Variants in GALNT13 observed in about 807,000 individuals in gnomAD.
GALNT13 encodes UDP-GalNAc:polypeptide N-acetylgalactosaminyltransferase 13.
GALNT13 carries 28 observed loss-of-function variants against 64.2 expected under a neutral mutation model. That is an observed-to-expected ratio of 0.44 (90% CI 0.32 to 0.60). The LOEUF (loss-of-function observed/expected upper bound fraction) is 0.60, where lower values mean the gene tolerates loss of function less well. GALNT13 is among the 20% of genes least tolerant of loss of function. GALNT13 has a pLI of 0.05. For missense variants in GALNT13, 577 were observed against 669.8 expected, an observed-to-expected ratio of 0.86 and a Z score of 1.53; for synonymous variants, 214 against 224.6, an observed-to-expected ratio of 0.95 and a Z score of 0.42.
At chr2:153,083,714 A>C in the GALNT13 span, among the ~76,000 whole-genome samples, 1 of 152,068 alleles carries the variant, frequency 6.6e-6, no homozygotes, top group Admixed American at 6.5e-5. Flanking sequence ...GATTATTTCT[A>C]TTGCTGTGCA....
intron 3 of GALNT13, among the ~76,000 whole-genome samples, chr2:154,104,163 C>T (rs571030793): frequency 2.0e-5 from 3 of 150,710 alleles, no homozygotes; most frequent in South Asian, 2.1e-4. Context: ...GAGACACTGT[C>T]CTTTATCTTC....
chr2:153,912,459 ATT>A (rs1689016616), intron 2 of GALNT13, among the ~76,000 whole-genome samples: 1 of 152,148 alleles, frequency 6.6e-6, no homozygotes, highest in Non-Finnish European at 1.5e-5. Flanking sequence ...TAGGGTGGTC[ATT>A]TGGAGAAAAG....
chr2:153,963,618 T>C (rs1431381916), intron 3 of GALNT13, among the ~76,000 whole-genome samples: 2 of 152,126 alleles, frequency 1.3e-5, no homozygotes, highest in Admixed American at 6.5e-5. Flanking sequence ...GCCATTTTAC[T>C]GAGTTAATTG....
At chr2:153,136,547 C>A in the GALNT13 span, among the ~76,000 whole-genome samples, 309 of 151,934 alleles carry the variant, frequency 2.0e-3, 2 homozygotes, top group African/African-American at 6.8e-3. Flanking sequence ...ACCAGCAAGG[C>A]AAAGTAGAGA....
At chr2:153,935,479 T>G (rs766650291) in intron 2 of GALNT13, among the ~76,000 whole-genome samples, 4 of 152,214 alleles carry the variant, frequency 2.6e-5, no homozygotes, top group Non-Finnish European at 5.9e-5. Flanking sequence ...CCTGGATTGT[T>G]TACATGGCAT....
intron 4 of GALNT13, among the ~76,000 whole-genome samples, chr2:154,162,493 T>C (rs1413219316): frequency 1.3e-5 from 2 of 152,180 alleles, no homozygotes; most frequent in African/African-American, 4.8e-5. Flanking sequence ...GATACACATG[T>C]TTCAGTCATA....
intron 3 of GALNT13, among the ~76,000 whole-genome samples, chr2:154,090,574 T>G (rs550466214): frequency 2.6e-5 from 4 of 152,174 alleles, no homozygotes; most frequent in African/African-American, 9.6e-5. Flanking sequence ...TCAGTCTGTT[T>G]TAAAATAACC....
chr2:153,265,686 G>A, the GALNT13 span, among the ~76,000 whole-genome samples: 8 of 152,230 alleles, frequency 5.3e-5, 1 homozygote, highest in African/African-American at 1.7e-4. Context: ...TTTGTGTGTA[G>A]ATAAATGTTC....
intron 3 of GALNT13, among the ~76,000 whole-genome samples, chr2:154,002,094 G>C (rs1324825257): frequency 1.3e-5 from 2 of 151,994 alleles, no homozygotes; most frequent in Admixed American, 1.3e-4. Flanking sequence ...GCTGCTTTCA[G>C]TATTCTTTGT....
At chr2:154,287,165 A>C (rs1187396678) in intron 8 of GALNT13, 1 of 1,480,496 alleles carries the variant, frequency 6.8e-7, no homozygotes, top group Admixed American at 1.7e-5. Context: ...GGTGGAAGCC[A>C]AACAATTGGC....
At chr2:154,441,340 A>C (rs774820490) in intron 12 of GALNT13, among the ~76,000 whole-genome samples, 2 of 152,156 alleles carry the variant, frequency 1.3e-5, no homozygotes. Flanking sequence ...CTCATATTCC[A>C]ACCTGTGGAA....
chr2:154,126,187 A>G (rs535888124), intron 3 of GALNT13, among the ~76,000 whole-genome samples: 102 of 152,308 alleles, frequency 6.7e-4, no homozygotes, highest in African/African-American at 2.3e-3. Context: ...TACTTTTGGA[A>G]TTATCATAAA....
the GALNT13 span, among the ~76,000 whole-genome samples, chr2:153,767,905 G>A: frequency 0.45 from 68,659 of 151,746 alleles, 16,991 homozygotes; most frequent in African/African-American, 0.66. Flanking sequence ...TAAGTGGTCT[G>A]TTTACTCTGT....
At chr2:153,257,288 G>T in the GALNT13 span, among the ~76,000 whole-genome samples, 1 of 152,120 alleles carries the variant, frequency 6.6e-6, no homozygotes, top group South Asian at 2.1e-4. Flanking sequence ...CCCAAGTGAG[G>T]CAATGCCTCG....
the GALNT13 span, among the ~76,000 whole-genome samples, chr2:153,807,394 A>G: frequency 6.6e-6 from 1 of 152,112 alleles, no homozygotes; most frequent in East Asian, 1.9e-4. Context: ...TACATTTTCT[A>G]TTAGATAACT....
chr2:154,145,783 A>C (rs1202750808), intron 4 of GALNT13, among the ~76,000 whole-genome samples: 3 of 151,964 alleles, frequency 2.0e-5, no homozygotes, highest in Non-Finnish European at 4.4e-5. Context: ...GGAATAAGAC[A>C]TAGTATATAT....
the GALNT13 span, among the ~76,000 whole-genome samples, chr2:153,767,001 A>G: frequency 6.6e-6 from 1 of 152,028 alleles, no homozygotes; most frequent in African/African-American, 2.4e-5. Flanking sequence ...TTTTTTACAT[A>G]GGTATATTGT....
intron 3 of GALNT13, among the ~76,000 whole-genome samples, chr2:154,028,627 A>G (rs1357627896): frequency 1.1e-4 from 16 of 152,128 alleles, no homozygotes; most frequent in Admixed American, 9.2e-4. Flanking sequence ...TTGCAGAAGT[A>G]TATAAATTTT....
chr2:154,333,006 G>A (rs1172393809), intron 9 of GALNT13, among the ~76,000 whole-genome samples: 1 of 151,992 alleles, frequency 6.6e-6, no homozygotes, highest in Non-Finnish European at 1.5e-5. Flanking sequence ...TTCATTCTCA[G>A]TGTTTCTGGA....
Sources: gnomAD v4.1 joint callset for allele counts (sites outside exome capture counted in the v4.1 genomes callset) on GRCh38, gnomAD v4.1.1 for gene constraint, MANE v1.5 for transcripts, NCBI Gene and HGNC (gene_info 2026-07-23, HGNC 2026-07-21) for gene names.